The following FAM184A variants were observed in gnomAD, a reference collection of about 807,000 sequenced individuals.
FAM184A encodes the protein protein FAM184A.
FAM184A carries 99 observed loss-of-function variants against 143.8 expected under a neutral mutation model. The observed-to-expected ratio is 0.69, with a 90% CI of 0.58 to 0.81. The LOEUF (loss-of-function observed/expected upper bound fraction) is 0.81. FAM184A is among the 40% of genes least tolerant of loss of function. FAM184A has a pLI of 0.00. For missense variants in FAM184A, 1,217 were observed against 1,310.5 expected (o/e 0.93, Z 1.10); for synonymous variants, 427 against 446.4 (o/e 0.96, Z 0.55).
intron 15 of FAM184A, 48 bp downstream of exon 15, chr6:118,966,787 A>T: frequency 2.4e-6 from 2 of 848,776 alleles, no homozygotes; most frequent in East Asian, 2.5e-5. Flanking sequence ...TTCCCAATCA[A>T]TATCTATTGA....
chr6:119,011,770 G>C (rs933067514), intron 5 of FAM184A, among the ~76,000 whole-genome samples: 12 of 152,072 alleles, frequency 7.9e-5, no homozygotes, highest in African/African-American at 1.4e-4. Flanking sequence ...TTTTATGTTT[G>C]CATAAAAAAT....
At chr6:119,098,230 A>G (rs2114830237) in intron 1 of FAM184A, among the ~76,000 whole-genome samples, 1 of 152,322 alleles carries the variant, frequency 6.6e-6, no homozygotes, top group African/African-American at 2.4e-5. Flanking sequence ...GGCTGCCACC[A>G]GGTAAGACAT....
chr6:119,034,824 T>C (rs1206984933), intron 1 of FAM184A, among the ~76,000 whole-genome samples: 1 of 152,122 alleles, frequency 6.6e-6, no homozygotes, highest in Non-Finnish European at 1.5e-5. Context: ...ATACTACCTT[T>C]CCCCCAACCC....
intron 1 of FAM184A, among the ~76,000 whole-genome samples, chr6:119,147,548 A>T (rs891781807): frequency 6.6e-6 from 1 of 152,138 alleles, no homozygotes; most frequent in African/African-American, 2.4e-5. Flanking sequence ...GTAAAAATAG[A>T]TCTTTGACCC....
At chr6:118,994,707 AAATAAATAAAT>A (rs1784490708) in intron 9 of FAM184A, among the ~76,000 whole-genome samples, 1 of 146,998 alleles carries the variant, frequency 6.8e-6, no homozygotes, top group East Asian at 2.0e-4. Context: ...ATAAATAAAT[AAATAAATAAAT>A]AAATAAATAA....
chr6:119,015,666 C>G (rs1785223433), intron 5 of FAM184A, among the ~76,000 whole-genome samples: 1 of 152,244 alleles, frequency 6.6e-6, no homozygotes, highest in Admixed American at 6.5e-5. Flanking sequence ...CCCCCTGCTC[C>G]ACGGCGCCCA....
intron 14 of FAM184A, among the ~76,000 whole-genome samples, chr6:118,970,008 A>ATATATTTTTTTTTTTTT: frequency 2.1e-4 from 4 of 19,044 alleles, no homozygotes; most frequent in Non-Finnish European, 3.4e-4. Context: ...ATATATATAT[A>ATATATTTTTTTTTTTTT]TTTTTTTTTT....
At chr6:119,071,972 G>T (rs560426127) in intron 1 of FAM184A, among the ~76,000 whole-genome samples, 23 of 136,174 alleles carry the variant, frequency 1.7e-4, no homozygotes, top group African/African-American at 6.3e-4. Flanking sequence ...AGCAATTCTT[G>T]TGCCTCAGCC....
At chr6:118,969,953 A>G (rs1348022640) in intron 14 of FAM184A, among the ~76,000 whole-genome samples, 1 of 120,560 alleles carries the variant, frequency 8.3e-6, no homozygotes, top group Non-Finnish European at 1.7e-5. Flanking sequence ...TAATCTTTCT[A>G]ATCACAAGAA....
chr6:119,098,857 G>A, intron 1 of FAM184A, among the ~76,000 whole-genome samples: 1 of 152,284 alleles, frequency 6.6e-6, no homozygotes, highest in East Asian at 1.9e-4. Context: ...GGCTGGGCGT[G>A]GCGGCACTTT....
intron 9 of FAM184A, among the ~76,000 whole-genome samples, chr6:118,985,247 T>C (rs4946385): frequency 0.37 from 56,538 of 152,136 alleles, 11,530 homozygotes; most frequent in East Asian, 0.68. Flanking sequence ...CAGTGCTTAA[T>C]GTCCATAGCA....
chr6:119,142,691 T>C (rs960420935), intron 1 of FAM184A, among the ~76,000 whole-genome samples: 1 of 152,136 alleles, frequency 6.6e-6, no homozygotes, highest in Non-Finnish European at 1.5e-5. Context: ...TGCACTTAAT[T>C]CTCATAGACC....
chr6:119,069,841 T>A (rs1787616605), intron 1 of FAM184A, among the ~76,000 whole-genome samples: 1 of 152,174 alleles, frequency 6.6e-6, no homozygotes, highest in South Asian at 2.1e-4. Context: ...TCTAATAATT[T>A]CGCATAAATA....
At chr6:119,092,613 C>T (rs890712049) in intron 1 of FAM184A, among the ~76,000 whole-genome samples, 6 of 152,122 alleles carry the variant, frequency 3.9e-5, no homozygotes, top group African/African-American at 1.4e-4. Flanking sequence ...CACCTCAGAT[C>T]CTGTATCTAA....
upstream of FAM184A, among the ~76,000 whole-genome samples, chr6:119,082,773 G>T (rs1208271219): frequency 6.6e-6 from 1 of 152,234 alleles, no homozygotes; most frequent in East Asian, 1.9e-4. Context: ...TTGAGCGCCT[G>T]TGGCTTTTCC....
At chr6:119,126,128 G>A (rs1419721034) in intron 1 of FAM184A, among the ~76,000 whole-genome samples, 3 of 152,160 alleles carry the variant, frequency 2.0e-5, no homozygotes, top group African/African-American at 7.2e-5. Flanking sequence ...TTGTTGGCAG[G>A]ATCTTGTTCC....
intron 1 of FAM184A, among the ~76,000 whole-genome samples, chr6:119,109,453 T>C (rs1788872818): frequency 6.6e-6 from 1 of 152,196 alleles, no homozygotes; most frequent in African/African-American, 2.4e-5. Context: ...CATTTCACTT[T>C]TTCTGTGAAT....
intron 1 of FAM184A, among the ~76,000 whole-genome samples, chr6:119,066,131 C>T (rs1043991083): frequency 1.3e-5 from 2 of 152,180 alleles, no homozygotes; most frequent in African/African-American, 4.8e-5. Context: ...ACTGAGTGAT[C>T]AGACAAAATT....
chr6:119,142,526 AG>A (rs1302339306), intron 1 of FAM184A, among the ~76,000 whole-genome samples: 2 of 152,246 alleles, frequency 1.3e-5, no homozygotes, highest in Non-Finnish European at 2.9e-5. Context: ...AGTTGGAACT[AG>A]AGTGGAACTC....
Sources: gnomAD v4.1 joint callset for allele counts (sites outside exome capture counted in the v4.1 genomes callset) on GRCh38, gnomAD v4.1.1 for gene constraint, MANE v1.5 for transcripts, NCBI Gene and HGNC (gene_info 2026-07-23, HGNC 2026-07-21) for gene names.